CNTN5: variants seen among roughly 807,000 people sequenced by gnomAD.
CNTN5 encodes the protein contactin 5.
CNTN5 carries 77 observed loss-of-function variants against 129.1 expected under a neutral mutation model. The observed-to-expected ratio is 0.60, with a 90% CI of 0.50 to 0.72. CNTN5 has a LOEUF of 0.72. Ranked by LOEUF, CNTN5 falls within the 30% of genes least tolerant of loss-of-function variation. The pLI, the probability that CNTN5 is intolerant of heterozygous loss-of-function variation, is 0.00. For missense variants in CNTN5, 1,478 were observed against 1,328.8 expected (o/e 1.11, Z -1.75); for synonymous variants, 509 against 465.6 (o/e 1.09, Z -1.20).
chr11:99,238,655 C>G (rs1337638934), intron 1 of CNTN5, among the ~76,000 whole-genome samples: 1 of 152,070 alleles, frequency 6.6e-6, no homozygotes, highest in Non-Finnish European at 1.5e-5. Context: ...TGTTAGTATG[C>G]TAAAATATTT....
intron 18 of CNTN5, among the ~76,000 whole-genome samples, chr11:100,283,755 G>A (rs1392201515): frequency 6.6e-6 from 1 of 152,112 alleles, no homozygotes; most frequent in Non-Finnish European, 1.5e-5. Flanking sequence ...AGACCAGCCT[G>A]ACCAACATGG....
chr11:99,035,842 G>C (rs1451583492), intron 1 of CNTN5, among the ~76,000 whole-genome samples: 1 of 150,706 alleles, frequency 6.6e-6, no homozygotes, highest in African/African-American at 2.5e-5. Flanking sequence ...TTGCTCGTTA[G>C]TTGATGCAGT....
Position 100,161,536 on chromosome 11 carries a change from G to GT in CNTN5, c.1581-29589dup, listed in dbSNP as rs538365344. Among the ~76,000 whole-genome samples the GT allele has an allele frequency of 5.1e-3, 782 of 151,882 alleles. 7 individuals are homozygous for GT. The highest frequency in any genetic ancestry group is 0.018 in the African/African-American group (733 of 41,478). The stretch of plus-strand genomic sequence containing the variant: ...ATATTCTTACTAGTAAATGCATATT[G>GT]TAAGTAACTTTACAGAGAGAATGTC... On this transcript the variant is annotated intron_variant, in intron 13 of 24. Transcript: ENST00000524871.
At chr11:99,706,024 T>G (rs1207134153) in intron 3 of CNTN5, among the ~76,000 whole-genome samples, 1 of 151,532 alleles carries the variant, frequency 6.6e-6, no homozygotes, top group Admixed American at 6.6e-5. Flanking sequence ...TAAAAATATA[T>G]ATTAATCATT....
intron 13 of CNTN5, among the ~76,000 whole-genome samples, chr11:100,143,842 G>A (rs1348222542): frequency 6.6e-6 from 1 of 152,116 alleles, no homozygotes; most frequent in Non-Finnish European, 1.5e-5. Context: ...GGCATTGGTA[G>A]GGAGAGATCA....
chr11:99,918,982 G>A (rs568709617), intron 7 of CNTN5, among the ~76,000 whole-genome samples: 63 of 152,188 alleles, frequency 4.1e-4, no homozygotes, highest in African/African-American at 1.5e-3. Context: ...AGCCAGCCAG[G>A]TTCAGCTTAG....
chr11:100,356,382 A>G lies in CNTN5; in HGVS notation c.*162A>G, dbSNP rs1952526179. On this transcript the variant is annotated 3_prime_UTR_variant, in exon 25 of 25. Transcript: ENST00000524871. The stretch of plus-strand genomic sequence containing the variant: ...GGAGGTTAGGGGGGAAATATTACTT[A>G]TCCATCAGGTTTCTCTTTGGTTTTT... 1 of 604,230 alleles carries G rather than the reference A, an allele frequency of 1.7e-6. No individual in the cohort carries two copies. The highest frequency in any genetic ancestry group is 2.8e-5 in the East Asian group (1 of 36,236). 37.4% of individuals were successfully genotyped at this position (604,230 alleles called of 1,614,324 possible).
At chr11:100,318,730 C>A (rs562285600) in intron 21 of CNTN5, among the ~76,000 whole-genome samples, 1 of 152,104 alleles carries the variant, frequency 6.6e-6, no homozygotes, top group East Asian at 1.9e-4. Context: ...TAGAGGAGTA[C>A]TAAATCTATG....
At chr11:100,171,369 C>G (rs950588696) in intron 13 of CNTN5, among the ~76,000 whole-genome samples, 1 of 151,906 alleles carries the variant, frequency 6.6e-6, no homozygotes, top group Non-Finnish European at 1.5e-5. Context: ...TTTATGCAGA[C>G]AACAGATTAA....
chr11:100,126,106 T>C (rs1163512849), intron 13 of CNTN5, among the ~76,000 whole-genome samples: 1 of 152,158 alleles, frequency 6.6e-6, no homozygotes, highest in Non-Finnish European at 1.5e-5. Flanking sequence ...TGCAATTGTG[T>C]GGTTTTAAAA....
chr11:100,064,854 G>A (rs1019715576), intron 10 of CNTN5, among the ~76,000 whole-genome samples: 1 of 152,012 alleles, frequency 6.6e-6, no homozygotes, highest in African/African-American at 2.4e-5. Context: ...GTAACTGAAG[G>A]GGGAAAGATG....
At chr11:99,099,777 A>G (rs1250307574) in intron 1 of CNTN5, among the ~76,000 whole-genome samples, 2 of 152,170 alleles carry the variant, frequency 1.3e-5, no homozygotes, top group East Asian at 3.8e-4. Context: ...ATGATAAATG[A>G]CACAATACGT....
chr11:100,316,512 G>A (rs959088520), intron 21 of CNTN5, among the ~76,000 whole-genome samples: 2 of 152,174 alleles, frequency 1.3e-5, no homozygotes, highest in South Asian at 4.1e-4. Context: ...GAAACAGTGT[G>A]AATAAATCTG....
At chr11:99,127,198 C>T (rs1231042908) in intron 1 of CNTN5, among the ~76,000 whole-genome samples, 1 of 152,140 alleles carries the variant, frequency 6.6e-6, no homozygotes, top group African/African-American at 2.4e-5. Context: ...TATTACTTCG[C>T]TCATGCTTCT....
intron 9 of CNTN5, among the ~76,000 whole-genome samples, chr11:100,060,006 C>G (rs992091413): frequency 3.3e-5 from 5 of 151,844 alleles, no homozygotes; most frequent in Admixed American, 2.6e-4. Flanking sequence ...GTCAGGAGTT[C>G]GAAAACAGCC....
intron 21 of CNTN5, among the ~76,000 whole-genome samples, chr11:100,316,634 T>C (rs964585756): frequency 2.0e-5 from 3 of 152,206 alleles, no homozygotes; most frequent in African/African-American, 7.2e-5. Flanking sequence ...TTATATTAAC[T>C]GAATAAAATA....
At chr11:100,311,829 G>T (rs1951479640) in intron 21 of CNTN5, among the ~76,000 whole-genome samples, 1 of 151,974 alleles carries the variant, frequency 6.6e-6, no homozygotes, top group Non-Finnish European at 1.5e-5. Flanking sequence ...AGGCTTAACT[G>T]GAGGTTAAGA....
chr11:99,905,768 A>T (rs1299566186), intron 6 of CNTN5, among the ~76,000 whole-genome samples: 1 of 152,182 alleles, frequency 6.6e-6, no homozygotes. Flanking sequence ...CTTCCTATCC[A>T]TGAGCATGGA....
intron 13 of CNTN5, among the ~76,000 whole-genome samples, chr11:100,086,498 G>A (rs1001451651): frequency 6.8e-6 from 1 of 147,832 alleles, no homozygotes. Context: ...AAAAACAGAG[G>A]GATATATGTA....
Sources: gnomAD v4.1 joint callset for allele counts (sites outside exome capture counted in the v4.1 genomes callset) on GRCh38, gnomAD v4.1.1 for gene constraint, MANE v1.5 for transcripts, NCBI Gene and HGNC (gene_info 2026-07-23, HGNC 2026-07-21) for gene names.